The following STK3 variants were observed in gnomAD, a reference collection of about 807,000 sequenced individuals.
STK3 encodes serine/threonine-protein kinase 3.
A neutral mutation model predicts 58.0 loss-of-function variants in STK3; 41 were observed. The observed-to-expected ratio is 0.71, with a 90% CI of 0.55 to 0.92. STK3 has a LOEUF of 0.92. Ranked by LOEUF, STK3 falls within the 40% of genes least tolerant of loss-of-function variation. The probability of loss-of-function intolerance (pLI) is 0.00; values close to 1 mark genes in which losing one functional copy is unlikely to be tolerated. For synonymous variants in STK3, 170 were observed against 191.0 expected, an observed-to-expected ratio of 0.89 and a Z score of 0.91; for missense variants, 479 against 602.7, an observed-to-expected ratio of 0.79 and a Z score of 2.15.
chr8:98,377,221 A>G (rs1267753219), intron 2 of STK3, among the ~76,000 whole-genome samples: 1 of 152,194 alleles, frequency 6.6e-6, no homozygotes, highest in African/African-American at 2.4e-5. Context: ...TATGATACTC[A>G]CCAGCACCCA....
rs145562039 is a variant in STK3, at chr8:98,630,640, AAGAAGG to A, written c.685-34477_685-34472del. Among the ~76,000 whole-genome samples the A allele has an allele frequency of 8.8e-3, 1,322 of 150,142 alleles. 5 individuals carry two copies. Among genetic ancestry groups the A allele is most frequent in the East Asian group, 0.022 (111 of 5,080 alleles). The stretch of plus-strand genomic sequence containing the variant: ...CCTGGGTGACAGAGAGGAACAGAAG[AAGAAGG>A]AGAAGGAGAAGGAGAAGGAGAAGGA... On this transcript the variant is annotated intron_variant, in intron 6 of 10. Coordinates refer to ENST00000419617, the MANE Select transcript of STK3 (RefSeq NM_006281.4).
chr8:98,715,885 A>T (rs1276162934), intron 4 of STK3, among the ~76,000 whole-genome samples: 1 of 152,218 alleles, frequency 6.6e-6, no homozygotes, highest in Non-Finnish European at 1.5e-5. Context: ...ACCAACCCAA[A>T]TGTCCAACAA....
intron 3 of STK3, among the ~76,000 whole-genome samples, chr8:98,433,276 G>A (rs547247761): frequency 6.6e-6 from 1 of 152,232 alleles, no homozygotes; most frequent in South Asian, 2.1e-4. Flanking sequence ...ACCTCTGTCA[G>A]CCTGCCCTGC....
chr8:98,428,030 G>C lies in STK3; in HGVS notation n.483+6097C>G. The stretch of plus-strand genomic sequence containing the variant: ...TGTCGGAGGCTAACGTCGAGGACGG[G>C]GAGATCCGCATCAATGTGGGCGGCT... On this transcript the variant is annotated intron_variant and non_coding_transcript_variant, in intron 3 of 3. Coordinates refer to the STK3 transcript ENST00000517832. This position sits in a 1 kb window ranked among gnomAD's most constrained non-coding sequence, Gnocchi z 6.7. The C allele has an allele frequency of 6.2e-7, 1 of 1,606,344 alleles. No homozygotes were observed. The highest frequency in any genetic ancestry group is 8.5e-7 in the Non-Finnish European group (1 of 1,175,798).
intron 10 of STK3, among the ~76,000 whole-genome samples, chr8:98,477,699 T>TGGGG (rs1821437321): frequency 1.4e-3 from 1 of 724 alleles, no homozygotes; most frequent in African/African-American, 4.3e-3. Context: ...TCATCACACT[T>TGGGG]GGCGGGGGGG....
At chr8:98,734,887 A>C (rs1349589928) in intron 4 of STK3, among the ~76,000 whole-genome samples, 1 of 152,064 alleles carries the variant, frequency 6.6e-6, no homozygotes, top group African/African-American at 2.4e-5. Context: ...CTTTTTCATG[A>C]GTCACAGAAG....
intron 8 of STK3, among the ~76,000 whole-genome samples, chr8:98,573,927 C>T (rs558465406): frequency 3.3e-5 from 5 of 151,906 alleles, no homozygotes; most frequent in East Asian, 3.9e-4. Context: ...AGAGAAGCGC[C>T]GAGCAAAGAG....
chr8:98,495,928 T>C (rs1288808257), intron 10 of STK3, among the ~76,000 whole-genome samples: 1 of 152,204 alleles, frequency 6.6e-6, no homozygotes, highest in Non-Finnish European at 1.5e-5. Context: ...ATTTACAAAA[T>C]GGTCCAGAAC....
intron 10 of STK3, among the ~76,000 whole-genome samples, chr8:98,503,237 GGGATC>G (rs1823770059): frequency 6.6e-6 from 1 of 152,110 alleles, no homozygotes; most frequent in Non-Finnish European, 1.5e-5. Context: ...GTATTTCTAT[GGGATC>G]GGTGGTGATA....
chr8:98,372,129 T>C (rs1037663353), intron 2 of STK3, among the ~76,000 whole-genome samples: 5 of 151,952 alleles, frequency 3.3e-5, no homozygotes, highest in Non-Finnish European at 4.4e-5. Flanking sequence ...ATATGAAGGA[T>C]TGCCAGCTGC....
intron 6 of STK3, among the ~76,000 whole-genome samples, chr8:98,645,655 T>C (rs1820343596): frequency 6.6e-6 from 1 of 152,202 alleles, no homozygotes; most frequent in Non-Finnish European, 1.5e-5. Context: ...CATCTTTTAA[T>C]TCCTAGTGCT....
chr8:98,640,474 A>G (rs1285270452), intron 6 of STK3, among the ~76,000 whole-genome samples: 1 of 152,192 alleles, frequency 6.6e-6, no homozygotes. Flanking sequence ...CATAAAAGTT[A>G]ATGATATACT....
chr8:98,796,970 T>C (rs1833214915), intron 1 of STK3, among the ~76,000 whole-genome samples: 2 of 152,186 alleles, frequency 1.3e-5, no homozygotes, highest in African/African-American at 4.8e-5. Context: ...GGACTGATAG[T>C]GAGCACTGGC....
chr8:98,845,773 A>T (rs1483345859), intron 3 of STK3, among the ~76,000 whole-genome samples: 2 of 152,352 alleles, frequency 1.3e-5, no homozygotes, highest in East Asian at 3.9e-4. Flanking sequence ...AAGCAGAGAG[A>T]TACTTACTAA....
At position 98,734,157 on chromosome 8, in the gene STK3, A is replaced by G. The variant is rs142120052; in HGVS notation, c.351+15119T>C. ...ATCCAATCACCTCCAATCCACCTCC[A>G]TGATCCAATCACCTCCCACCAGGTC... is the stretch of plus-strand genomic sequence containing the variant. On this transcript the variant is annotated intron_variant, in intron 4 of 10. Coordinates refer to ENST00000419617, the MANE Select transcript of STK3 (RefSeq NM_006281.4). Among the ~76,000 whole-genome samples the G allele has an allele frequency of 6.8e-3, 1,033 of 152,250 alleles. 8 individuals carry two copies. Among genetic ancestry groups the G allele is most frequent in the African/African-American group, 0.023 (969 of 41,558 alleles).
chr8:98,588,543 A>G (rs952873646), intron 7 of STK3, among the ~76,000 whole-genome samples: 3 of 151,382 alleles, frequency 2.0e-5, no homozygotes, highest in Admixed American at 6.6e-5. Flanking sequence ...TTTTTCCTTC[A>G]TTTCAACTTT....
chr8:98,348,043 T>C, the STK3 span, among the ~76,000 whole-genome samples: 5 of 152,170 alleles, frequency 3.3e-5, no homozygotes, highest in African/African-American at 1.2e-4. Context: ...AAGACTGATA[T>C]TGGTGAGAGA....
intron 6 of STK3, among the ~76,000 whole-genome samples, chr8:98,621,987 G>A (rs1048738626): frequency 6.6e-6 from 1 of 151,886 alleles, no homozygotes; most frequent in South Asian, 2.1e-4. Context: ...TCAGACATTG[G>A]GCACGGTGGC....
chr8:98,806,551 G>A (rs1833896453), intron 1 of STK3, among the ~76,000 whole-genome samples: 4 of 152,068 alleles, frequency 2.6e-5, no homozygotes. Flanking sequence ...AAAGTCACTG[G>A]AGCTCAAGTC....
Sources: gnomAD v4.1 joint callset for allele counts (sites outside exome capture counted in the v4.1 genomes callset) on GRCh38, gnomAD v4.1.1 for gene constraint, Gnocchi (gnomAD v3.1) non-coding constraint, MANE v1.5 for transcripts, NCBI Gene and HGNC (gene_info 2026-07-23, HGNC 2026-07-21) for gene names.